Variants in CDCP2 observed in about 807,000 individuals in gnomAD.
CDCP2 encodes CUB domain containing protein 2, also known as CUB domain-containing protein 2.
A neutral mutation model predicts 31.0 loss-of-function variants in CDCP2; 31 were observed. The observed-to-expected ratio is 1.00, with a 90% CI of 0.75 to 1.35. The LOEUF is 1.35. Among genes scored for constraint, CDCP2 ranks in the 40% most tolerant of loss-of-function variants. The pLI is 0.00. For missense variants in CDCP2, 443 were observed against 482.6 expected, an observed-to-expected ratio of 0.92 and a Z score of 0.77; for synonymous variants, 206 against 207.9, an observed-to-expected ratio of 0.99 and a Z score of 0.08.
At chr1:54,136,795 G>A in exon 5 of CDCP2, 1 of 399,294 alleles carries the variant, frequency 2.5e-6, no homozygotes, top group Non-Finnish European at 4.4e-6. Flanking sequence ...AGCAGCTCAC[G>A]TTCATGGGCA....
intron 4 of CDCP2, chr1:54,137,663 A>ATGTGTGTGTGTGTGTGTGTGTGCGTG (rs113860529): frequency 6.9e-6 from 1 of 144,854 alleles, no homozygotes; most frequent in Non-Finnish European, 1.5e-5. Context: ...TTGGGTGAGC[A>ATGTGTGTGTGTGTGTGTGTGTGCGTG]TGTGTGTGTG....
At chr1:54,144,723 C>T in exon 2 of CDCP2, 1 of 1,614,228 alleles carries the variant, frequency 6.2e-7, no homozygotes, top group South Asian at 1.1e-5. Flanking sequence ...GATCAGCCAG[C>T]TGCACTCTGT....
At chr1:54,149,466 G>A (rs682159) in intron 1 of CDCP2, among the ~76,000 whole-genome samples, 43,500 of 150,060 alleles carry the variant, frequency 0.29, 7,048 homozygotes, top group African/African-American at 0.43. Context: ...TGATGGGGAC[G>A]TAGGGATTCA....
intron 2 of CDCP2, 104 bp downstream of exon 2, chr1:54,144,362 C>T (rs1023437600): frequency 5.6e-6 from 6 of 1,063,440 alleles, no homozygotes; most frequent in African/African-American, 1.6e-5. Flanking sequence ...GCCAAATCCC[C>T]CCTTGAACTC....
At chr1:54,137,451 C>T (rs1447306585) in intron 4 of CDCP2, among the ~76,000 whole-genome samples, 1 of 152,158 alleles carries the variant, frequency 6.6e-6, no homozygotes, top group Admixed American at 6.5e-5. Flanking sequence ...GCCTCACTTT[C>T]CCTCCCTACA....
intron 5 of CDCP2, among the ~76,000 whole-genome samples, chr1:54,136,326 C>T (rs779189129): frequency 2.6e-5 from 4 of 152,118 alleles, no homozygotes; most frequent in Non-Finnish European, 5.9e-5. Context: ...TGACCGGTAG[C>T]GTCTTTAGGT....
intron 1 of CDCP2, among the ~76,000 whole-genome samples, chr1:54,148,847 A>G (rs1265321341): frequency 1.3e-5 from 2 of 151,516 alleles, no homozygotes; most frequent in African/African-American, 4.9e-5. Context: ...CCTGAGCAAC[A>G]TAGTGAGACC....
chr1:54,144,506 C>A, exon 2 of CDCP2: 1 of 1,599,924 alleles, frequency 6.3e-7, no homozygotes, highest in Non-Finnish European at 8.5e-7. Context: ...TGGCCACATG[C>A]TTGTCCGAGT....
chr1:54,137,118 A>G (rs959419585), intron 4 of CDCP2, among the ~76,000 whole-genome samples: 5 of 152,254 alleles, frequency 3.3e-5, no homozygotes, highest in African/African-American at 1.2e-4. Context: ...CTTAATAATT[A>G]TAAAAATTCA....
chr1:54,151,711 A>AT (rs1345000780), intron 1 of CDCP2, among the ~76,000 whole-genome samples: 4 of 152,184 alleles, frequency 2.6e-5, no homozygotes, highest in African/African-American at 9.6e-5. Context: ...GCCTTGCCGA[A>AT]GGGTGAAATG....
At chr1:54,140,321 G>T (rs934522139) in intron 3 of CDCP2, 7 of 589,554 alleles carry the variant, frequency 1.2e-5, no homozygotes, top group African/African-American at 1.1e-4. Context: ...CTAGCTGAAA[G>T]CTGGGACTTG....
chr1:54,148,454 T>C (rs1659513559), intron 1 of CDCP2, among the ~76,000 whole-genome samples: 2 of 144,890 alleles, frequency 1.4e-5, no homozygotes, highest in Non-Finnish European at 3.0e-5. Context: ...TTGTAACAAA[T>C]AGACCAGGCT....
intron 1 of CDCP2, among the ~76,000 whole-genome samples, chr1:54,151,034 A>G (rs1194214251): frequency 1.3e-5 from 2 of 152,170 alleles, no homozygotes; most frequent in African/African-American, 4.8e-5. Context: ...CGGGGAGAGG[A>G]AAGCCGATCT....
intron 5 of CDCP2, among the ~76,000 whole-genome samples, chr1:54,136,264 C>G (rs1052147306): frequency 6.6e-6 from 1 of 152,082 alleles, no homozygotes; most frequent in Non-Finnish European, 1.5e-5. Context: ...AGGGGAGGAA[C>G]AGCAAAGAAT....
At chr1:54,150,865 A>T (rs6667290) in intron 1 of CDCP2, among the ~76,000 whole-genome samples, 2 of 152,192 alleles carry the variant, frequency 1.3e-5, no homozygotes, top group African/African-American at 4.8e-5. Flanking sequence ...CTATAAGAGA[A>T]GACACATTCG....
At chr1:54,151,424 C>T (rs1240537534) in intron 1 of CDCP2, among the ~76,000 whole-genome samples, 1 of 152,224 alleles carries the variant, frequency 6.6e-6, no homozygotes, top group East Asian at 1.9e-4. Flanking sequence ...GCCCTACCCA[C>T]AGGGCAGGGA....
chr1:54,133,473 A>T (rs1181035989), intron 5 of CDCP2, among the ~76,000 whole-genome samples, 179 bp from the exon 6 acceptor site: 1 of 152,200 alleles, frequency 6.6e-6, no homozygotes, highest in Non-Finnish European at 1.5e-5. Flanking sequence ...AGCTGTCTGG[A>T]AGGACGATAT....
intron 1 of CDCP2, among the ~76,000 whole-genome samples, chr1:54,145,350 C>T (rs1371138970): frequency 1.3e-5 from 2 of 152,060 alleles, no homozygotes; most frequent in African/African-American, 2.4e-5. Context: ...CGCTTGCACC[C>T]GGGAGGCGGA....
At chr1:54,146,310 G>T (rs1659470374) in intron 1 of CDCP2, among the ~76,000 whole-genome samples, 2 of 151,384 alleles carry the variant, frequency 1.3e-5, no homozygotes, top group South Asian at 4.2e-4. Flanking sequence ...CTCCCAAGTA[G>T]CTGGAATTAC....
Sources: gnomAD v4.1 joint callset for allele counts (sites outside exome capture counted in the v4.1 genomes callset) on GRCh38, gnomAD v4.1.1 for gene constraint, MANE v1.5 for transcripts, NCBI Gene and HGNC (gene_info 2026-07-23, HGNC 2026-07-21) for gene names.